FSTL4: variants seen among roughly 807,000 people sequenced by gnomAD.
The protein encoded by FSTL4 is follistatin like 4, also known as follistatin-related protein 4.
In FSTL4, 28 loss-of-function variants were observed where a neutral mutation model predicts 78.2. The observed-to-expected ratio is 0.36, with a 90% CI of 0.27 to 0.49. The LOEUF (loss-of-function observed/expected upper bound fraction) is 0.49. FSTL4 is among the 20% of genes least tolerant of loss of function. The pLI is 0.98. For missense variants in FSTL4, 922 were observed against 1,084.9 expected (o/e 0.85, Z 2.11); for synonymous variants, 422 against 440.5 (o/e 0.96, Z 0.53).
intron 3 of FSTL4, among the ~76,000 whole-genome samples, chr5:133,414,121 G>A (rs566717218): frequency 7.5e-4 from 114 of 152,142 alleles, no homozygotes; most frequent in African/African-American, 2.4e-3. Flanking sequence ...GATTGTGCCG[G>A]GCACCCAAGG....
chr5:133,385,044 G>T (rs746039649), intron 4 of FSTL4, among the ~76,000 whole-genome samples: 1 of 152,204 alleles, frequency 6.6e-6, no homozygotes, highest in East Asian at 1.9e-4. Flanking sequence ...CAGACTGGAC[G>T]TGCTCCGTTG....
At chr5:133,249,732 A>T (rs964360178) in intron 6 of FSTL4, among the ~76,000 whole-genome samples, 156 bp from the exon 7 acceptor site, 2 of 152,256 alleles carry the variant, frequency 1.3e-5, no homozygotes, top group Non-Finnish European at 2.9e-5. Flanking sequence ...AAATGTAGAG[A>T]TAGACACTTT....
At chr5:133,821,551 TGG>T in the FSTL4 span, among the ~76,000 whole-genome samples, 1 of 152,090 alleles carries the variant, frequency 6.6e-6, no homozygotes, top group East Asian at 1.9e-4. Context: ...CTAGAAACAG[TGG>T]GAACAAGAGT....
intron 6 of FSTL4, among the ~76,000 whole-genome samples, chr5:133,300,455 T>A (rs1380286153): frequency 6.6e-6 from 1 of 152,100 alleles, no homozygotes; most frequent in African/African-American, 2.4e-5. Flanking sequence ...TGCCCTTAAA[T>A]CCCCTACTGT....
At chr5:133,445,042 G>A (rs1269187204) in intron 3 of FSTL4, among the ~76,000 whole-genome samples, 1 of 152,216 alleles carries the variant, frequency 6.6e-6, no homozygotes, top group East Asian at 1.9e-4. Flanking sequence ...CAGCATGTGT[G>A]AAAATACATT....
intron 2 of FSTL4, among the ~76,000 whole-genome samples, chr5:133,590,713 T>G (rs7727556): frequency 0.23 from 34,684 of 152,118 alleles, 4,263 homozygotes; most frequent in East Asian, 0.29. Context: ...GGGTCAGGCG[T>G]GGACACAGGC....
At chr5:133,781,617 A>G in the FSTL4 span, among the ~76,000 whole-genome samples, 682 of 152,322 alleles carry the variant, frequency 4.5e-3, 4 homozygotes, top group Non-Finnish European at 7.3e-3. Flanking sequence ...CCAGCAAGTC[A>G]GATCCCCTGA....
chr5:133,710,795 G>A, the FSTL4 span, among the ~76,000 whole-genome samples: 3 of 152,198 alleles, frequency 2.0e-5, no homozygotes, highest in Non-Finnish European at 4.4e-5. Flanking sequence ...TCTGTGGGTT[G>A]GGAGATAGTG....
chr5:133,800,078 T>C, the FSTL4 span, among the ~76,000 whole-genome samples: 30,976 of 138,314 alleles, frequency 0.22, 9,616 homozygotes, highest in African/African-American at 0.55. Context: ...GAGGAAAGTG[T>C]GGGGCATGTA....
chr5:133,232,919 G>T (rs1309827001), intron 8 of FSTL4, among the ~76,000 whole-genome samples: 1 of 152,216 alleles, frequency 6.6e-6, no homozygotes, highest in Admixed American at 6.5e-5. Context: ...TTTCTGTCCT[G>T]GCTTGGCTAA....
the FSTL4 span, among the ~76,000 whole-genome samples, chr5:133,805,844 C>G: frequency 3.3e-5 from 5 of 152,348 alleles, no homozygotes; most frequent in South Asian, 1.0e-3. Context: ...TGCCAGACTT[C>G]TCAGCTCTGG....
intron 7 of FSTL4, among the ~76,000 whole-genome samples, chr5:133,235,873 C>T (rs952163824): frequency 2.0e-5 from 3 of 151,926 alleles, no homozygotes; most frequent in African/African-American, 4.8e-5. Context: ...ATTCTGGGAC[C>T]GACATATTTC....
At chr5:133,678,193 T>C in the FSTL4 span, among the ~76,000 whole-genome samples, 25 of 152,184 alleles carry the variant, frequency 1.6e-4, no homozygotes, top group African/African-American at 6.0e-4. Flanking sequence ...TACATGTAGA[T>C]GATGTTGGGT....
the FSTL4 span, among the ~76,000 whole-genome samples, chr5:133,770,052 A>G: frequency 6.6e-6 from 1 of 151,880 alleles, no homozygotes; most frequent in South Asian, 2.1e-4. Flanking sequence ...TTGATGGCTG[A>G]GTAGTATTCC....
At chr5:133,684,603 C>T in the FSTL4 span, among the ~76,000 whole-genome samples, 1 of 152,234 alleles carries the variant, frequency 6.6e-6, no homozygotes, top group South Asian at 2.1e-4. Flanking sequence ...CTCTGTCAAA[C>T]CTAATCCCTG....
chr5:133,273,550 A>G (rs1405497626), intron 6 of FSTL4, among the ~76,000 whole-genome samples: 1 of 152,130 alleles, frequency 6.6e-6, no homozygotes, highest in East Asian at 1.9e-4. Flanking sequence ...ATCTTACTGA[A>G]GAAGTTGGCA....
intron 14 of FSTL4, among the ~76,000 whole-genome samples, chr5:133,204,356 G>GTGTT (rs541796373): frequency 1.1e-3 from 164 of 152,310 alleles, no homozygotes; most frequent in African/African-American, 3.8e-3. Context: ...AAATCCTTCA[G>GTGTT]TGTTGGATAT....
chr5:133,800,388 T>C, the FSTL4 span, among the ~76,000 whole-genome samples: 1 of 138,306 alleles, frequency 7.2e-6, no homozygotes, highest in East Asian at 2.0e-4. Flanking sequence ...AGAAAAATTG[T>C]CTTGGGCCAC....
At chr5:133,259,349 T>C (rs899152305) in intron 6 of FSTL4, among the ~76,000 whole-genome samples, 2 of 152,098 alleles carry the variant, frequency 1.3e-5, no homozygotes. Flanking sequence ...CTTGGAGTGC[T>C]CTGGGAGCTG....
Sources: allele counts gnomAD v4.1 joint callset (sites outside exome capture counted in the v4.1 genomes callset), GRCh38; gene constraint gnomAD v4.1.1; transcripts MANE v1.5; gene names NCBI Gene and HGNC (gene_info 2026-07-23, HGNC 2026-07-21).